FREM1: variants seen among roughly 807,000 people sequenced by gnomAD.
The protein encoded by FREM1 is FRAS1 related extracellular matrix 1.
FREM1 carries 220 observed loss-of-function variants against 210.1 expected under a neutral mutation model. That is an observed-to-expected ratio of 1.05 (90% CI 0.94 to 1.17). The LOEUF (loss-of-function observed/expected upper bound fraction) is 1.17, where lower values mean the gene tolerates loss of function less well. Among genes scored for constraint, FREM1 ranks in the 50% most tolerant of loss-of-function variants. The pLI is 0.00. For missense variants in FREM1, 3,454 were observed against 2,675.5 expected (o/e 1.29, Z -6.42); for synonymous variants, 1,189 against 980.2 (o/e 1.21, Z -3.98).
chr9:14,909,085 TA>T (rs1297738716), intron 1 of FREM1, among the ~76,000 whole-genome samples: 1 of 152,142 alleles, frequency 6.6e-6, no homozygotes, highest in Non-Finnish European at 1.5e-5. Context: ...CCACAGAGGT[TA>T]ATCTCTCCAG....
Position 14,802,094 on chromosome 9 carries a change from C to A in FREM1, c.3472-220G>T, listed in dbSNP as rs41314221. ...ACATTTTTTTCTGAAGATTTCAAAG[C>A]ACTTTATTCATTTCCATGAAGGACA... On this transcript the variant is annotated intron_variant, in intron 19 of 36. Transcript: ENST00000380880. Among the ~76,000 whole-genome samples the A allele has an allele frequency of 0.03, 4,563 of 152,186 alleles. 94 individuals carry two copies. Among genetic ancestry groups the A allele is most frequent in the Non-Finnish European group, 0.037 (2,509 of 67,988 alleles).
At position 14,812,893 on chromosome 9, in the gene FREM1, C is replaced by A. The variant is rs1182810776; in HGVS notation, c.2812G>T (p.Val938Leu). The A allele has an allele frequency of 3.1e-6, 5 of 1,613,724 alleles. No homozygotes were observed. The highest frequency in any genetic ancestry group is 2.2e-5 in the South Asian group (2 of 91,070). Residue 938 changes from valine to leucine, a missense_variant, in exon 16 of 37, where the codon GTG becomes TTG. Transcript: ENST00000380880. ...ACTGTGACTCCAGCTCTCCTCACCA[C>A]CCCATGCTGAGGTTCGCGAGCAATC... Reference protein sequence around the residue: ...FVIAREPQHGVVRRAGVTVDQ... With the variant: ...FVIAREPQHGLVRRAGVTVDQ...
chr9:14,776,453 G>A (rs1217723168), intron 24 of FREM1, among the ~76,000 whole-genome samples: 1 of 152,158 alleles, frequency 6.6e-6, no homozygotes, highest in South Asian at 2.1e-4. Flanking sequence ...TGATGGAACA[G>A]GGAAATTCTG....
intron 10 of FREM1, among the ~76,000 whole-genome samples, chr9:14,827,820 T>C (rs1328738332): frequency 6.6e-6 from 1 of 152,162 alleles, no homozygotes; most frequent in African/African-American, 2.4e-5. Context: ...AAGTCTCTGC[T>C]CCCTGCATTC....
intron 16 of FREM1, among the ~76,000 whole-genome samples, chr9:14,809,209 T>C (rs1414999691): frequency 6.6e-6 from 1 of 152,164 alleles, no homozygotes; most frequent in Non-Finnish European, 1.5e-5. Flanking sequence ...GGTGACTTGC[T>C]CCTCCTTGCC....
intron 28 of FREM1, among the ~76,000 whole-genome samples, chr9:14,758,635 T>A (rs1249584598): frequency 7.6e-6 from 1 of 131,790 alleles, no homozygotes; most frequent in East Asian, 2.7e-4. Context: ...AATGGCCTTT[T>A]CCCCAGAAGC....
At position 14,851,545 on chromosome 9, in the gene FREM1, A is replaced by C; in HGVS notation, c.891T>G (p.Ala297=). The change falls in exon 6 of 37, where the codon GCT becomes GCG. Residue 297 remains alanine, a synonymous_variant. Transcript: ENST00000380880. ...CCAGAATAAACACGGCCATGAATGC[A>C]GCCTTTGGAATCTGATTCGGAATTC... ...RAGIPNQIPK[A]AFMAVFILEV... 6.2e-7 allele frequency: 1 copy of C among 1,614,026 alleles called. No individual in the cohort carries two copies. Among genetic ancestry groups the C allele is most frequent in the Non-Finnish European group, 8.5e-7 (1 of 1,179,866 alleles).
Position 14,874,297 on chromosome 9 carries a change from A to T in FREM1, c.-267-5053T>A, listed in dbSNP as rs545572921. ...AAGTCTCCCATTATTATTGTGTGGG[A>T]GTCTAAGTCTCTTTGTAGGTCACTC... is the stretch of plus-strand genomic sequence containing the variant. On this transcript the variant is annotated intron_variant, in intron 1 of 36. Transcript: ENST00000380880. Among the ~76,000 whole-genome samples, 365 of 151,492 alleles carry T rather than the reference A, an allele frequency of 2.4e-3. 1 individual carries two copies. The highest frequency in any genetic ancestry group is 4.2e-3 in the Non-Finnish European group (288 of 67,900).
chr9:14,828,965 T>C (rs28537494), intron 10 of FREM1, among the ~76,000 whole-genome samples: 22,711 of 152,168 alleles, frequency 0.15, 1,743 homozygotes, highest in African/African-American at 0.2. Flanking sequence ...CCTTTTAGTG[T>C]CAATTTTCTT....
In FREM1 at chr9:14,836,114, G is replaced by T. The variant is rs1055394199; in HGVS notation, c.1881+5333C>A. 6.6e-6 allele frequency among the ~76,000 whole-genome samples: 1 copy of T among 152,170 alleles called. No homozygotes were observed. Reference sequence around the variant, plus strand: ...TCTTTGTTTGGGAAAATAAAACCAAGGAACTTCATAGACCCCCAAAGGGGA... The same window carrying T: ...TCTTTGTTTGGGAAAATAAAACCAATGAACTTCATAGACCCCCAAAGGGGA... On this transcript the variant is annotated intron_variant, in intron 10 of 36. Coordinates refer to ENST00000380880, the MANE Select transcript of FREM1 (RefSeq NM_001379081.2). This position sits in a 1 kb window ranked among gnomAD's most constrained non-coding sequence, Gnocchi z 4.9.
At chr9:14,876,775 C>G (rs977819696) in intron 1 of FREM1, among the ~76,000 whole-genome samples, 7 of 152,206 alleles carry the variant, frequency 4.6e-5, no homozygotes, top group Non-Finnish European at 1.5e-5. Context: ...CTGCATCGCT[C>G]ACGCTAGGAG....
chr9:14,745,114 A>G (rs1325514025), intron 35 of FREM1, among the ~76,000 whole-genome samples: 1 of 152,096 alleles, frequency 6.6e-6, no homozygotes, highest in Non-Finnish European at 1.5e-5. Flanking sequence ...GGTCTATTGG[A>G]GTTTGGAAAG....
intron 34 of FREM1, 44 bp from the exon 35 acceptor site, chr9:14,746,512 A>C (rs535600104): frequency 1.3e-6 from 2 of 1,493,128 alleles, no homozygotes; most frequent in South Asian, 2.3e-5. Flanking sequence ...GGTCTTTACA[A>C]TCTGGAGTTG....
Position 14,869,142 on chromosome 9 carries a change from A to C in FREM1, c.-165T>G, listed in dbSNP as rs530392458. The C allele has an allele frequency of 5.6e-5, 31 of 551,362 alleles. No homozygotes were observed. In the South Asian group the frequency reaches 9.0e-4, roughly 16 times the overall value. 34.2% of individuals were successfully genotyped at this position (551,362 alleles called of 1,614,324 possible). A position where few individuals can be genotyped will look rare whatever the true frequency, so the allele number is the denominator to read the frequency against. On this transcript the variant is annotated 5_prime_UTR_variant, in exon 2 of 37. Coordinates refer to ENST00000380880, the MANE Select transcript of FREM1 (RefSeq NM_001379081.2). Reference sequence around the variant, plus strand: ...CATGCCCCTTTCATTTCAAAGTCAGACAAGGGGGCCTTTCAGGCAATCCCA... The same window carrying C: ...CATGCCCCTTTCATTTCAAAGTCAGCCAAGGGGGCCTTTCAGGCAATCCCA...
chr9:14,767,372 G>A (rs796852139), intron 27 of FREM1, among the ~76,000 whole-genome samples: 22 of 152,278 alleles, frequency 1.4e-4, no homozygotes, highest in African/African-American at 5.3e-4. Context: ...CTTCAGGCCA[G>A]ATTAGCACAG....
At chr9:14,831,025 G>A (rs532779441) in intron 10 of FREM1, among the ~76,000 whole-genome samples, 65 of 152,278 alleles carry the variant, frequency 4.3e-4, no homozygotes, top group Non-Finnish European at 8.4e-4. Context: ...GGCTTGCTGG[G>A]GAGAACTTGG....
rs1564110562 is a variant in FREM1, at chr9:14,861,884, CGGT to C, written c.329+1922_329+1924del. Among the ~76,000 whole-genome samples the C allele has an allele frequency of 3.9e-5, 6 of 152,146 alleles. No individual in the cohort carries two copies. In the East Asian group the frequency reaches 1.2e-3, roughly 29 times the overall value. ...AAATGTGCCATTGAATTGTTACTGACGGTAGTCACCCTGTTGTGCTATCAAATA... is the reference window on the plus strand; with the variant it reads ...AAATGTGCCATTGAATTGTTACTGACAGTCACCCTGTTGTGCTATCAAATA... On this transcript the variant is annotated intron_variant, in intron 3 of 36. Transcript: ENST00000380880.
intron 3 of FREM1, among the ~76,000 whole-genome samples, chr9:14,863,541 G>C (rs1033721420): frequency 1.3e-5 from 2 of 152,050 alleles, no homozygotes; most frequent in African/African-American, 4.8e-5. Flanking sequence ...GAACACCAGA[G>C]ATACCTATAT....
intron 19 of FREM1, among the ~76,000 whole-genome samples, chr9:14,804,294 T>C (rs79109162): frequency 6.4e-4 from 98 of 152,278 alleles, no homozygotes; most frequent in African/African-American, 2.3e-3. Context: ...GGTAAAACCA[T>C]GACAACTTTG....
Sources: allele counts gnomAD v4.1 joint callset (sites outside exome capture counted in the v4.1 genomes callset), GRCh38; gene constraint gnomAD v4.1.1; non-coding constraint Gnocchi (gnomAD v3.1); transcripts MANE v1.5; gene names NCBI Gene and HGNC (gene_info 2026-07-23, HGNC 2026-07-21).